Variants in PLXDC2 observed in about 807,000 individuals in gnomAD.
The protein encoded by PLXDC2 is plexin domain containing 2.
In PLXDC2, 40 loss-of-function variants were observed where a neutral mutation model predicts 68.9. The observed-to-expected ratio is 0.58, with a 90% CI of 0.45 to 0.76. PLXDC2 has a LOEUF of 0.76. Among genes scored for constraint, PLXDC2 ranks in the 30% least tolerant of loss-of-function variants. The pLI, the probability that PLXDC2 is intolerant of heterozygous loss-of-function variation, is 0.00. For synonymous variants in PLXDC2, 243 were observed against 234.2 expected (o/e 1.04, Z -0.34); for missense variants, 644 against 661.9 (o/e 0.97, Z 0.30).
At chr10:20,244,101 A>G (rs1465644092) in intron 12 of PLXDC2, among the ~76,000 whole-genome samples, 1 of 152,052 alleles carries the variant, frequency 6.6e-6, no homozygotes, top group Non-Finnish European at 1.5e-5. Flanking sequence ...AAAAGAAAAG[A>G]AAGGATTGAG....
intron 4 of PLXDC2, among the ~76,000 whole-genome samples, chr10:20,097,693 C>T (rs1319041025): frequency 1.3e-5 from 2 of 152,016 alleles, no homozygotes; most frequent in African/African-American, 4.8e-5. Context: ...CAGGTAGTTT[C>T]TGCAAAAGTC....
rs138898056 is a variant in PLXDC2 at position 19,908,023 on chromosome 10, C to T, written c.112+90832C>T. On this transcript the variant is annotated intron_variant, in intron 1 of 13. Coordinates refer to ENST00000377252, the MANE Select transcript of PLXDC2 (RefSeq NM_032812.9). Reference sequence around the variant, plus strand: ...TGTGTTACAAAAGAGTAATTTCTGACTATAAAAGCGGGATGTCACTCTTTA... The same window carrying T: ...TGTGTTACAAAAGAGTAATTTCTGATTATAAAAGCGGGATGTCACTCTTTA... Among the ~76,000 whole-genome samples the T allele has an allele frequency of 5.5e-4, 83 of 152,142 alleles. 3 individuals are homozygous for T. The East Asian group carries it at 7.7e-3, about 14-fold the overall frequency.
Position 20,279,779 on chromosome 10 carries a change from T to C in PLXDC2, c.1550T>C (p.Val517Ala), listed in dbSNP as rs1180138997. ...CCTGCCTATGCTGAAGTTGAACCAG[T>C]TGGAGAGAAAGAAGGCTTTATTGTA... ...GHPAYAEVEPVGEKEGFIVSE... is the reference protein window; with the variant it reads ...GHPAYAEVEPAGEKEGFIVSE... The change falls in exon 14 of 14, where the codon GTT becomes GCT. Residue 517 changes from valine (V) to alanine (A), a missense_variant. Physicochemically the swap from Val to Ala is moderately conservative, Grantham distance 64 (BLOSUM62 0). Coordinates refer to ENST00000377252, the MANE Select transcript of PLXDC2 (RefSeq NM_032812.9). 2.5e-6 allele frequency: 4 copies of C among 1,613,886 alleles called. No individual in the cohort carries two copies. The South Asian group carries it at 3.3e-5, about 13-fold the overall frequency.
At chr10:19,825,601 C>G (rs2131998726) in intron 1 of PLXDC2, among the ~76,000 whole-genome samples, 1 of 152,274 alleles carries the variant, frequency 6.6e-6, no homozygotes, top group African/African-American at 2.4e-5. Context: ...CTACCATTTT[C>G]TGTCTGAAAC....
chr10:20,047,100 G>A, intron 3 of PLXDC2, 85 bp downstream of exon 3: 1 of 1,337,118 alleles, frequency 7.5e-7, no homozygotes, highest in South Asian at 1.8e-5. Flanking sequence ...TCTTTTATGA[G>A]TTTGATAATT....
At position 20,001,534 on chromosome 10, in the gene PLXDC2, T is replaced by G. The variant is rs549091888; in HGVS notation, c.113-241T>G. Among the ~76,000 whole-genome samples the G allele has an allele frequency of 1.1e-4, 17 of 152,104 alleles. No individual in the cohort carries two copies. The South Asian group carries it at 3.5e-3, about 32-fold the overall frequency. On this transcript the variant is annotated intron_variant, in intron 1 of 13. Transcript: ENST00000377252. ...TGCTTCAGGGCTGCACATCTGTTTT[T>G]AAAAACTCTGCAAGATCTGCCCGTT...
intron 2 of PLXDC2, among the ~76,000 whole-genome samples, chr10:20,031,093 C>A (rs1299971292): frequency 6.6e-6 from 1 of 152,160 alleles, no homozygotes; most frequent in African/African-American, 2.4e-5. Flanking sequence ...AAGAATTGGG[C>A]TTAGTGGTTT....
rs1836198950 is a variant in PLXDC2, at chr10:20,289,222, C to T, written c.*9403C>T. On this transcript the variant is annotated 3_prime_UTR_variant, in exon 14 of 14. Coordinates refer to ENST00000377252, the MANE Select transcript of PLXDC2 (RefSeq NM_032812.9). ...ACCCACCCCGATGTGGAAACTGATACTAGCTAGAGGGAGCTGTAGAAAACA... is the reference window on the plus strand; with the variant it reads ...ACCCACCCCGATGTGGAAACTGATATTAGCTAGAGGGAGCTGTAGAAAACA... 6.6e-6 allele frequency: 1 copy of T among 152,168 alleles called. No homozygotes were observed. Among genetic ancestry groups the T allele is most frequent in the Admixed American group, 6.5e-5 (1 of 15,274 alleles). 9.4% of individuals were successfully genotyped at this position (152,168 alleles called of 1,614,324 possible).
At chr10:20,260,265 G>A (rs1835793607) in intron 13 of PLXDC2, among the ~76,000 whole-genome samples, 2 of 152,082 alleles carry the variant, frequency 1.3e-5, no homozygotes, top group African/African-American at 4.8e-5. Context: ...GTTGTTAACT[G>A]TAGTCCTCAT....
intron 13 of PLXDC2, among the ~76,000 whole-genome samples, chr10:20,258,239 G>T (rs888811760): frequency 2.0e-5 from 3 of 151,854 alleles, no homozygotes; most frequent in African/African-American, 7.3e-5. Flanking sequence ...CTGACCCTGT[G>T]ACCCGCCCGC....
intron 2 of PLXDC2, among the ~76,000 whole-genome samples, chr10:20,005,728 C>T (rs938531081): frequency 2.6e-5 from 4 of 152,172 alleles, no homozygotes; most frequent in African/African-American, 9.6e-5. Context: ...TCAACGCACT[C>T]ATCACCAAGG....
intron 4 of PLXDC2, among the ~76,000 whole-genome samples, chr10:20,088,457 A>G (rs569636070): frequency 2.0e-4 from 31 of 152,326 alleles, no homozygotes; most frequent in African/African-American, 7.5e-4. Context: ...TGATTTCATA[A>G]CAGTTGTAAA....
intron 2 of PLXDC2, among the ~76,000 whole-genome samples, chr10:20,041,576 A>G (rs1193429522): frequency 2.0e-5 from 3 of 152,202 alleles, no homozygotes; most frequent in Non-Finnish European, 2.9e-5. Context: ...TATTTTTCTA[A>G]TATATCTTTA....
At chr10:19,885,070 T>C (rs1211052032) in intron 1 of PLXDC2, among the ~76,000 whole-genome samples, 5 of 152,162 alleles carry the variant, frequency 3.3e-5, no homozygotes, top group African/African-American at 7.2e-5. Flanking sequence ...TGATATCTCA[T>C]TGTGGTTTTG....
chr10:19,963,606 A>C (rs762116436), intron 1 of PLXDC2, among the ~76,000 whole-genome samples: 4 of 152,086 alleles, frequency 2.6e-5, no homozygotes, highest in Non-Finnish European at 4.4e-5. Flanking sequence ...CAAACACCGC[A>C]TGTTCTCACT....
At chr10:19,986,619 C>A (rs1834646196) in intron 1 of PLXDC2, among the ~76,000 whole-genome samples, 1 of 151,628 alleles carries the variant, frequency 6.6e-6, no homozygotes, top group South Asian at 2.1e-4. Context: ...CCAAGTAATT[C>A]ATAACAAAAG....
Position 19,944,627 on chromosome 10 carries a change from G to A in PLXDC2, c.113-57148G>A, listed in dbSNP as rs577428891. Among the ~76,000 whole-genome samples the A allele has an allele frequency of 7.5e-4, 114 of 152,212 alleles. 1 individual carries two copies. Among genetic ancestry groups the A allele is most frequent in the African/African-American group, 2.6e-3 (107 of 41,546 alleles). On this transcript the variant is annotated intron_variant, in intron 1 of 13. Coordinates refer to ENST00000377252, the MANE Select transcript of PLXDC2 (RefSeq NM_032812.9). The stretch of plus-strand genomic sequence containing the variant: ...TAATGGGCAGAGAAAGGAAAGTGAC[G>A]TACAGAAAACGGAAGTAAGGTAAAG...
At chr10:20,154,703 G>A (rs562158601) in intron 6 of PLXDC2, among the ~76,000 whole-genome samples, 1 of 151,956 alleles carries the variant, frequency 6.6e-6, no homozygotes, top group East Asian at 1.9e-4. Flanking sequence ...CTATTCTCTT[G>A]ATATACTTGG....
At chr10:19,982,125 C>T (rs1834560972) in intron 1 of PLXDC2, among the ~76,000 whole-genome samples, 1 of 152,238 alleles carries the variant, frequency 6.6e-6, no homozygotes, top group Non-Finnish European at 1.5e-5. Context: ...TGACAAGAAA[C>T]TTTCCCCAAA....
Sources: gnomAD v4.1 joint callset for allele counts (sites outside exome capture counted in the v4.1 genomes callset) on GRCh38, gnomAD v4.1.1 for gene constraint, MANE v1.5 for transcripts, NCBI Gene and HGNC (gene_info 2026-07-23, HGNC 2026-07-21) for gene names.